The following MINPP1 variants were observed in gnomAD, a reference collection of about 807,000 sequenced individuals.
MINPP1 encodes the protein multiple inositol polyphosphate phosphatase 1.
Under a neutral mutation model 46.1 loss-of-function variants are expected in MINPP1, and 28 were observed. The observed-to-expected ratio is 0.61, with a 90% CI of 0.45 to 0.83. The LOEUF (loss-of-function observed/expected upper bound fraction) is 0.83, where lower values mean the gene tolerates loss of function less well. Ranked by LOEUF, MINPP1 falls within the 40% of genes least tolerant of loss-of-function variation. The pLI is 0.00. For missense variants in MINPP1, 603 were observed against 610.0 expected (o/e 0.99, Z 0.12); for synonymous variants, 268 against 249.1 (o/e 1.08, Z -0.72).
chr10:87,533,003 C>A, intron 4 of MINPP1, among the ~76,000 whole-genome samples: 1 of 148,948 alleles, frequency 6.7e-6, no homozygotes. Flanking sequence ...TTGTACATGA[C>A]TTAAAATCCT....
intron 4 of MINPP1, among the ~76,000 whole-genome samples, chr10:87,540,700 T>A (rs893407911): frequency 2.0e-5 from 3 of 152,182 alleles, no homozygotes; most frequent in African/African-American, 7.2e-5. Flanking sequence ...AACTGGAGAT[T>A]TGGTTCCTTC....
In MINPP1 at chr10:87,504,915, G is replaced by C. The variant is rs758478040; in HGVS notation, c.-1G>C. Reference sequence around the variant, plus strand: ...GGCGCACTCCACTGACCGTCCCGACGATGCTACGCGCGCCCGGCTGCCTCC... The same window carrying C: ...GGCGCACTCCACTGACCGTCCCGACCATGCTACGCGCGCCCGGCTGCCTCC... On this transcript the variant is annotated 5_prime_UTR_variant, in exon 1 of 5. Coordinates refer to ENST00000371996, the MANE Select transcript of MINPP1 (RefSeq NM_004897.5). The C allele has an allele frequency of 6.2e-7, 1 of 1,610,228 alleles. No homozygotes were observed. The highest frequency in any genetic ancestry group is 1.1e-5 in the South Asian group (1 of 90,798).
intron 1 of MINPP1, 186 bp from the exon 2 acceptor site, chr10:87,508,150 C>G (rs898229096): frequency 1.3e-6 from 2 of 1,536,368 alleles, no homozygotes; most frequent in African/African-American, 2.7e-5. Flanking sequence ...TATTCTCATG[C>G]GTTACAGCCA....
chr10:87,534,214 A>G (rs892211031), intron 4 of MINPP1, among the ~76,000 whole-genome samples: 1 of 151,722 alleles, frequency 6.6e-6, no homozygotes, highest in Admixed American at 6.6e-5. Context: ...CACCATGCCC[A>G]GCTAATTTTT....
At chr10:87,517,370 A>C (rs1308446809) in intron 3 of MINPP1, among the ~76,000 whole-genome samples, 1 of 152,112 alleles carries the variant, frequency 6.6e-6, no homozygotes, top group East Asian at 1.9e-4. Flanking sequence ...CCTGTAGCAG[A>C]GTATTAGAGG....
chr10:87,516,923 A>G (rs759202599), intron 3 of MINPP1, among the ~76,000 whole-genome samples: 25 of 152,026 alleles, frequency 1.6e-4, no homozygotes, highest in Non-Finnish European at 2.6e-4. Context: ...CTTTATAATG[A>G]TGGAATTACT....
intron 2 of MINPP1, among the ~76,000 whole-genome samples, chr10:87,511,548 A>G (rs562404662): frequency 6.6e-6 from 1 of 152,330 alleles, no homozygotes; most frequent in African/African-American, 2.4e-5. Context: ...CATAACAGAT[A>G]AGTCAGAGCT....
intron 4 of MINPP1, among the ~76,000 whole-genome samples, chr10:87,528,362 C>G (rs1484749372): frequency 6.6e-6 from 1 of 152,176 alleles, no homozygotes; most frequent in Non-Finnish European, 1.5e-5. Context: ...ATAAATTTCC[C>G]TGTACACCCT....
At chr10:87,511,075 T>C (rs1054022277) in intron 2 of MINPP1, among the ~76,000 whole-genome samples, 3 of 152,220 alleles carry the variant, frequency 2.0e-5, no homozygotes, top group African/African-American at 7.2e-5. Flanking sequence ...CCATTTGCAT[T>C]TCTTCTAAAA....
In MINPP1 at chr10:87,552,383, G is replaced by T. The variant is rs770684630; in HGVS notation, c.1369G>T (p.Asp457Tyr). 6.2e-7 allele frequency: 1 copy of T among 1,613,524 alleles called. No homozygotes were observed. Among genetic ancestry groups the T allele is most frequent in the East Asian group, 2.2e-5 (1 of 44,862 alleles). ...ACAAGAAACTGTTTCATTTTATGAA[G>T]ATCTGAAGAACCACTACAAGGACAT... The part of the protein sequence containing the change: ...YSQETVSFYE[D>Y]LKNHYKDILQ... Residue 457 changes from aspartate (D) to tyrosine (Y), a missense_variant, in exon 5 of 5, where the codon GAT (aspartate) becomes TAT (tyrosine). By Grantham distance (160) the Asp-to-Tyr change is radical (BLOSUM62 -3). Coordinates refer to ENST00000371996, the MANE Select transcript of MINPP1 (RefSeq NM_004897.5).
At chr10:87,528,593 T>G (rs1851611915) in intron 4 of MINPP1, among the ~76,000 whole-genome samples, 1 of 152,200 alleles carries the variant, frequency 6.6e-6, no homozygotes, top group South Asian at 2.1e-4. Flanking sequence ...ATAATTTCTA[T>G]TCTTTTACAT....
At chr10:87,514,607 C>T (rs936948998) in intron 3 of MINPP1, among the ~76,000 whole-genome samples, 3 of 152,108 alleles carry the variant, frequency 2.0e-5, no homozygotes, top group African/African-American at 7.2e-5. Context: ...ATTTTTTACT[C>T]AGGATTAGAT....
In MINPP1 at chr10:87,537,237, G is replaced by A. The variant is rs551285957; in HGVS notation, c.1068-14845G>A. Among the ~76,000 whole-genome samples the A allele has an allele frequency of 3.3e-4, 50 of 152,152 alleles. No individual in the cohort carries two copies. In the South Asian group the frequency reaches 8.7e-3, roughly 26 times the overall value. On this transcript the variant is annotated intron_variant, in intron 4 of 4. Coordinates refer to ENST00000371996, the MANE Select transcript of MINPP1 (RefSeq NM_004897.5). ...CAGGCATGAGCCACCGTGCCCGGCC[G>A]TCTTTTTCACTTTTTAAGAAACTGC...
chr10:87,543,637 C>T (rs548379864), intron 4 of MINPP1, among the ~76,000 whole-genome samples: 1 of 152,272 alleles, frequency 6.6e-6, no homozygotes, highest in East Asian at 1.9e-4. Flanking sequence ...ATTTCTAAGA[C>T]ACTGGATTAT....
chr10:87,540,526 CT>C, intron 4 of MINPP1, among the ~76,000 whole-genome samples: 1 of 148,872 alleles, frequency 6.7e-6, no homozygotes, highest in Non-Finnish European at 1.5e-5. Context: ...CACACACACA[CT>C]TTCTTACTCC....
intron 3 of MINPP1, 110 bp from the exon 4 acceptor site, chr10:87,520,926 G>A: frequency 3.3e-6 from 2 of 604,618 alleles, no homozygotes; most frequent in South Asian, 2.2e-5. Context: ...TATATTTTGT[G>A]CAGAATGGTA....
rs1002805807 is a variant in MINPP1 at position 87,515,184 on chromosome 10, C to T, written c.933+1963C>T. On this transcript the variant is annotated intron_variant, in intron 3 of 4. Coordinates refer to ENST00000371996, the MANE Select transcript of MINPP1 (RefSeq NM_004897.5). ...GGTGGATCACCTGAGGTTAGGAGTTCGAGACCAGCCTGGCCAATGTGGTGA... is the reference window on the plus strand; with the variant it reads ...GGTGGATCACCTGAGGTTAGGAGTTTGAGACCAGCCTGGCCAATGTGGTGA... Among the ~76,000 whole-genome samples the T allele has an allele frequency of 7.2e-5, 11 of 151,790 alleles. No individual in the cohort carries two copies. In the East Asian group the frequency reaches 7.9e-4, roughly 11 times the overall value.
intron 1 of MINPP1, among the ~76,000 whole-genome samples, chr10:87,507,135 C>G (rs1473451869): frequency 6.6e-6 from 1 of 152,150 alleles, no homozygotes; most frequent in Non-Finnish European, 1.5e-5. Context: ...CAGAATAAGC[C>G]CACTCCTGAC....
intron 4 of MINPP1, among the ~76,000 whole-genome samples, chr10:87,537,981 ATTTATT>A (rs1179584401): frequency 6.6e-6 from 1 of 151,156 alleles, no homozygotes; most frequent in Non-Finnish European, 1.5e-5. Flanking sequence ...TTATTTATTT[ATTTATT>A]TTTATTTTTT....
Sources: gnomAD v4.1 joint callset for allele counts (sites outside exome capture counted in the v4.1 genomes callset) on GRCh38, gnomAD v4.1.1 for gene constraint, MANE v1.5 for transcripts, NCBI Gene and HGNC (gene_info 2026-07-23, HGNC 2026-07-21) for gene names.